The following PLCB1 variants were observed in gnomAD, a reference collection of about 807,000 sequenced individuals.
PLCB1 encodes phospholipase C beta 1.
In PLCB1, 46 loss-of-function variants were observed where a neutral mutation model predicts 161.8. The observed-to-expected ratio is 0.28, with a 90% CI of 0.22 to 0.36. The LOEUF is 0.36. Among genes scored for constraint, PLCB1 ranks in the 10% least tolerant of loss-of-function variants. The pLI is 1.00. For synonymous variants in PLCB1, 517 were observed against 503.7 expected (o/e 1.03, Z -0.35); for missense variants, 1,016 against 1,472.5 (o/e 0.69, Z 5.07).
At chr20:8,821,294 A>G (rs1457033514) in intron 31 of PLCB1, among the ~76,000 whole-genome samples, 2 of 150,872 alleles carry the variant, frequency 1.3e-5, no homozygotes, top group Non-Finnish European at 3.0e-5. Flanking sequence ...GCCTGGCCAA[A>G]ATGGTGAAAC....
chr20:8,274,896 C>T (rs917922375), intron 2 of PLCB1, among the ~76,000 whole-genome samples: 1 of 152,126 alleles, frequency 6.6e-6, no homozygotes, highest in African/African-American at 2.4e-5. Flanking sequence ...ATTTGCTTTT[C>T]GTGCCTGGAT....
chr20:8,195,095 G>C (rs2052007562), intron 2 of PLCB1, among the ~76,000 whole-genome samples: 1 of 151,982 alleles, frequency 6.6e-6, no homozygotes, highest in South Asian at 2.1e-4. Context: ...GCTTTAAGTA[G>C]AAAGTAGAAA....
Position 8,132,573 on chromosome 20 carries a change from C to T in PLCB1, c.-79C>T. 1.1e-6 allele frequency: 1 copy of T among 875,564 alleles called. No individual in the cohort carries two copies. The highest frequency in any genetic ancestry group is 1.6e-6 in the Non-Finnish European group (1 of 613,920). The allele number at this position is 875,564 out of a possible 1,614,324, so 54.2% of individuals were successfully genotyped here. A position where few individuals can be genotyped will look rare whatever the true frequency, so the allele number is the denominator to read the frequency against. ...TCCGGAGCAGAGAAAGGAGCCCGCG[C>T]CCCGCGCCCCGCGCCCCGCGCACGG... On this transcript the variant is annotated 5_prime_UTR_variant, in exon 1 of 32. Transcript: ENST00000338037. This position sits in a 1 kb window ranked among gnomAD's most constrained non-coding sequence, Gnocchi z 5.2.
chr20:8,446,424 T>C (rs564894929), intron 3 of PLCB1, among the ~76,000 whole-genome samples: 28 of 152,306 alleles, frequency 1.8e-4, no homozygotes, highest in African/African-American at 6.3e-4. Context: ...TAATAAGAGC[T>C]ATTTATGACA....
At position 8,341,806 on chromosome 20, in the gene PLCB1, C is replaced by T. The variant is rs566997227; in HGVS notation, c.178-29576C>T. ...TGACCTGCTATGTGCTAATTCTGTC[C>T]TAAATTAGCTCGTCTAATATTCAAA... On this transcript the variant is annotated intron_variant, in intron 2 of 31. Transcript: ENST00000338037. Among the ~76,000 whole-genome samples, 11 of 152,128 alleles carry T rather than the reference C, an allele frequency of 7.2e-5. No individual in the cohort carries two copies. In the South Asian group the frequency reaches 2.3e-3, roughly 31 times the overall value.
At chr20:8,523,496 C>CTCTCTCTCTCTATATATA in intron 3 of PLCB1, among the ~76,000 whole-genome samples, 19 of 51,656 alleles carry the variant, frequency 3.7e-4, no homozygotes, top group East Asian at 1.6e-3. Flanking sequence ...CTCTCTCTCT[C>CTCTCTCTCTCTATATATA]TATATATATA....
At position 8,716,334 on chromosome 20, in the gene PLCB1, C is replaced by T. The variant is rs1332948192; in HGVS notation, c.1321C>T (p.Leu441=). The T allele has an allele frequency of 2.5e-6, 4 of 1,613,030 alleles. No homozygotes were observed. The highest frequency in any genetic ancestry group is 3.3e-5 in the Admixed American group (2 of 59,984). Residue 441 remains leucine, a synonymous_variant, in exon 13 of 32, where the codon CTG becomes TTG. Transcript: ENST00000338037. The part of the protein sequence containing the change: ...IFGDALLMEP[L]EKYPLESGVP... ...TGGGGATGCCCTTCTCATGGAGCCC[C>T]TGGAAAAATATCCAGTAAGCAGTTC...
chr20:8,348,206 A>G (rs1600333358), intron 2 of PLCB1, among the ~76,000 whole-genome samples: 1 of 152,206 alleles, frequency 6.6e-6, no homozygotes, highest in Non-Finnish European at 1.5e-5. Context: ...GAATTATTCA[A>G]TCAGTGACTC....
chr20:8,439,398 A>AT (rs1980452222), intron 3 of PLCB1, among the ~76,000 whole-genome samples: 1 of 152,210 alleles, frequency 6.6e-6, no homozygotes, highest in East Asian at 1.9e-4. Context: ...GGCAGGATGT[A>AT]TTTTTTCCTA....
chr20:8,441,773 C>T (rs1980571569), intron 3 of PLCB1, among the ~76,000 whole-genome samples: 1 of 151,978 alleles, frequency 6.6e-6, no homozygotes, highest in Non-Finnish European at 1.5e-5. Flanking sequence ...TTGAGATTGT[C>T]TTAGGGAAGG....
chr20:8,418,400 C>T (rs1188123543), intron 3 of PLCB1, among the ~76,000 whole-genome samples: 2 of 152,150 alleles, frequency 1.3e-5, no homozygotes, highest in African/African-American at 4.8e-5. Flanking sequence ...GCGATGTGTT[C>T]TGTGCTTGAA....
chr20:8,733,784 T>TATAATAATA lies in PLCB1; in HGVS notation c.2043+427_2043+435dup, dbSNP rs199683575. On this transcript the variant is annotated intron_variant, in intron 19 of 31. Coordinates refer to ENST00000338037, the MANE Select transcript of PLCB1 (RefSeq NM_015192.4). Reference sequence around the variant, plus strand: ...TGCGCATGTACCCTAAAACTTAAAGTATAATAATAATAATAATAATAATAA... The same window carrying TATAATAATA: ...TGCGCATGTACCCTAAAACTTAAAGTATAATAATAATAATAATAATAATAATAATAATAA... 1.7e-3 allele frequency among the ~76,000 whole-genome samples: 238 copies of TATAATAATA among 139,284 alleles called. 1 individual carries two copies. The highest frequency in any genetic ancestry group is 3.8e-3 in the South Asian group (16 of 4,248). 91.4% of individuals were successfully genotyped at this position (139,284 alleles called of 152,430 possible).
rs1988064058 is a variant in PLCB1 at position 8,883,402 on chromosome 20, A to C, written c.*1553A>C. 6.6e-6 allele frequency: 1 copy of C among 152,084 alleles called. No homozygotes were observed. The highest frequency in any genetic ancestry group is 2.1e-4 in the South Asian group (1 of 4,834). 9.4% of individuals were successfully genotyped at this position (152,084 alleles called of 1,614,324 possible). ...AAGCATAATTGAAAGTTCTGAAAAA[A>C]GAAAAATAATAATATGTAGAAAAAT... On this transcript the variant is annotated 3_prime_UTR_variant, in exon 32 of 32. Coordinates refer to ENST00000338037, the MANE Select transcript of PLCB1 (RefSeq NM_015192.4).
chr20:8,679,618 A>C (rs2123383789), intron 9 of PLCB1, among the ~76,000 whole-genome samples: 1 of 152,338 alleles, frequency 6.6e-6, no homozygotes, highest in South Asian at 2.1e-4. Flanking sequence ...TCTTTCTGAC[A>C]TCTTTAGGAG....
At chr20:8,320,797 A>G (rs1464753966) in intron 2 of PLCB1, among the ~76,000 whole-genome samples, 1 of 131,488 alleles carries the variant, frequency 7.6e-6, no homozygotes, top group African/African-American at 2.9e-5. Context: ...ACAGAAAGAA[A>G]GAAGAAAGAA....
At chr20:8,309,957 T>G (rs996511844) in intron 2 of PLCB1, among the ~76,000 whole-genome samples, 1 of 152,224 alleles carries the variant, frequency 6.6e-6, no homozygotes, top group African/African-American at 2.4e-5. Context: ...CTGATATGGT[T>G]GATTGGTTTT....
intron 2 of PLCB1, among the ~76,000 whole-genome samples, chr20:8,232,271 C>G (rs1471417321): frequency 6.6e-6 from 1 of 151,878 alleles, no homozygotes; most frequent in African/African-American, 2.4e-5. Flanking sequence ...CTTTCAGATT[C>G]CTCATTTTTT....
intron 2 of PLCB1, among the ~76,000 whole-genome samples, chr20:8,351,776 G>GA (rs1410080953): frequency 6.6e-6 from 1 of 151,962 alleles, no homozygotes; most frequent in African/African-American, 2.4e-5. Flanking sequence ...AAATGCAATT[G>GA]AAAACCCCAA....
intron 3 of PLCB1, among the ~76,000 whole-genome samples, chr20:8,588,402 G>A (rs1016373224): frequency 2.0e-5 from 3 of 152,102 alleles, no homozygotes; most frequent in African/African-American, 7.2e-5. Context: ...TACTTATATA[G>A]CCAATGTTAG....
Sources: allele counts gnomAD v4.1 joint callset (sites outside exome capture counted in the v4.1 genomes callset), GRCh38; gene constraint gnomAD v4.1.1; non-coding constraint Gnocchi (gnomAD v3.1); transcripts MANE v1.5; gene names NCBI Gene and HGNC (gene_info 2026-07-23, HGNC 2026-07-21).